CHPT1: variants seen among roughly 807,000 people sequenced by gnomAD.
The protein encoded by CHPT1 is cholinephosphotransferase 1.
In CHPT1, 36 loss-of-function variants were observed where a neutral mutation model predicts 47.6. The observed-to-expected ratio is 0.76, with a 90% CI of 0.58 to 1.00. The LOEUF (loss-of-function observed/expected upper bound fraction) is 1.00. Ranked by LOEUF, CHPT1 falls within the 50% of genes least tolerant of loss-of-function variation. CHPT1 has a pLI of 0.00. For missense variants in CHPT1, 458 were observed against 498.1 expected (o/e 0.92, Z 0.77); for synonymous variants, 194 against 186.3 (o/e 1.04, Z -0.33).
In CHPT1 at chr12:101,714,625, A is replaced by G. The variant is rs775412532; in HGVS notation, c.543A>G (p.Ser181=). The G allele has an allele frequency of 1.2e-6, 2 of 1,603,294 alleles. No individual in the cohort carries two copies. The highest frequency in any genetic ancestry group is 2.3e-5 in the South Asian group (2 of 88,582). ...GCGCTCATTGGCAGACTTATGTTTC[A>G]GGCATGTTGAGATTTGGAAAGTAAG... The part of the protein sequence containing the change: ...FYCAHWQTYV[S]GMLRFGKVDV... The change falls in exon 3 of 9, where the codon TCA becomes TCG. Residue 181 remains serine (S), a synonymous_variant. Coordinates refer to ENST00000229266, the MANE Select transcript of CHPT1 (RefSeq NM_020244.3).
chr12:101,725,926 A>T (rs1448902826), intron 7 of CHPT1, among the ~76,000 whole-genome samples: 1 of 152,174 alleles, frequency 6.6e-6, no homozygotes, highest in African/African-American at 2.4e-5. Context: ...AGAAATGTAT[A>T]TGATGGAATT....
At chr12:101,710,910 A>G (rs1951694942) in intron 1 of CHPT1, among the ~76,000 whole-genome samples, 1 of 148,684 alleles carries the variant, frequency 6.7e-6, no homozygotes, top group Admixed American at 6.8e-5. Flanking sequence ...CATATGTTTG[A>G]CGTGTAACTT....
At chr12:101,710,351 A>C (rs1449078532) in intron 1 of CHPT1, among the ~76,000 whole-genome samples, 1 of 148,964 alleles carries the variant, frequency 6.7e-6, no homozygotes, top group Admixed American at 6.8e-5. Flanking sequence ...TCTCAAGAAC[A>C]AAAAAAGGAA....
At chr12:101,705,840 C>G (rs79798685) in intron 1 of CHPT1, among the ~76,000 whole-genome samples, 2 of 146,410 alleles carry the variant, frequency 1.4e-5, no homozygotes, top group East Asian at 2.1e-4. Context: ...ATCCTCCCCC[C>G]TCAGCCTCCC....
At chr12:101,715,651 A>G (rs1780263267) in intron 3 of CHPT1, among the ~76,000 whole-genome samples, 1 of 152,228 alleles carries the variant, frequency 6.6e-6, no homozygotes, top group African/African-American at 2.4e-5. Flanking sequence ...TCTACAGCTC[A>G]GGAAAAAATG....
intron 7 of CHPT1, 45 bp from the exon 8 acceptor site, chr12:101,726,249 A>AGAT (rs1380849938): frequency 7.6e-7 from 1 of 1,309,696 alleles, no homozygotes; most frequent in East Asian, 2.3e-5. Context: ...ACTTGAGAAA[A>AGAT]GATAGATCAT....
intron 5 of CHPT1, 53 bp downstream of exon 5, chr12:101,720,307 C>T (rs1474795212): frequency 1.4e-6 from 2 of 1,451,108 alleles, no homozygotes; most frequent in East Asian, 2.3e-5. Flanking sequence ...ATTTTCTTAT[C>T]ACCAGTTATA....
rs994764271 is a variant in CHPT1, at chr12:101,710,911, C to T, written c.274-3179C>T. Among the ~76,000 whole-genome samples, 8 of 148,472 alleles carry T rather than the reference C, an allele frequency of 5.4e-5. 1 individual carries two copies. The highest frequency in any genetic ancestry group is 2.2e-4 in the South Asian group (1 of 4,630). ...AATGTCCAATTTTACATATGTTTGA[C>T]GTGTAACTTTGCTTTCCTTCAATCA... On this transcript the variant is annotated intron_variant, in intron 1 of 8. Transcript: ENST00000229266.
At chr12:101,701,364 A>T (rs145126738) in intron 1 of CHPT1, among the ~76,000 whole-genome samples, 2 of 152,214 alleles carry the variant, frequency 1.3e-5, no homozygotes, top group Non-Finnish European at 2.9e-5. Flanking sequence ...ACCACTCTGA[A>T]TTCCCATGAT....
intron 8 of CHPT1, chr12:101,726,874 CAA>C (rs1951956873): frequency 6.5e-6 from 1 of 153,478 alleles, no homozygotes. Flanking sequence ...ATTATTGAAT[CAA>C]GTTATGTTCT....
chr12:101,703,618 G>A (rs553515441), intron 1 of CHPT1, among the ~76,000 whole-genome samples: 57 of 152,312 alleles, frequency 3.7e-4, no homozygotes, highest in Admixed American at 1.6e-3. Context: ...GCTTGGCAGA[G>A]AGTGGTTTTA....
chr12:101,725,907 CAAAG>C (rs1951937275), intron 7 of CHPT1, among the ~76,000 whole-genome samples: 1 of 152,114 alleles, frequency 6.6e-6, no homozygotes, highest in Non-Finnish European at 1.5e-5. Context: ...CAACTAACCT[CAAAG>C]AAACAGAAAT....
At position 101,698,077 on chromosome 12, in the gene CHPT1, C is replaced by T. The variant is rs1277455566; in HGVS notation, c.216C>T (p.Ala72=). 3 of 1,567,980 alleles carry T rather than the reference C, an allele frequency of 1.9e-6. No individual in the cohort carries two copies. The highest frequency in any genetic ancestry group is 2.8e-5 in the African/African-American group (2 of 71,456). Residue 72 remains alanine, a synonymous_variant, in exon 1 of 9, where the codon GCC becomes GCT. Transcript: ENST00000229266. ...APNSITLLGL[A]VNVVTTLVLI... ...ACTCCATCACCCTGCTGGGGCTCGCCGTCAACGTGGTCACCACGCTCGTGC... is the reference window on the plus strand; with the variant it reads ...ACTCCATCACCCTGCTGGGGCTCGCTGTCAACGTGGTCACCACGCTCGTGC...
intron 1 of CHPT1, among the ~76,000 whole-genome samples, chr12:101,698,341 C>T (rs576171356): frequency 1.4e-4 from 22 of 152,322 alleles, no homozygotes; most frequent in Admixed American, 1.2e-3. Context: ...CCCAAGCCTC[C>T]CCTGGGCAGC....
intron 5 of CHPT1, among the ~76,000 whole-genome samples, chr12:101,721,880 G>C (rs1951856768): frequency 6.6e-6 from 1 of 152,086 alleles, no homozygotes; most frequent in Non-Finnish European, 1.5e-5. Context: ...CCAACACAAT[G>C]AAACCCTGTC....
At chr12:101,711,211 G>T (rs11110975) in intron 1 of CHPT1, among the ~76,000 whole-genome samples, 2,398 of 148,338 alleles carry the variant, frequency 0.016, 259 homozygotes, top group Non-Finnish European at 0.025. Flanking sequence ...TGAAATCATC[G>T]CCGTAAAAAG....
chr12:101,714,748 G>A, intron 3 of CHPT1, 103 bp downstream of exon 3: 2 of 1,224,366 alleles, frequency 1.6e-6, no homozygotes, highest in South Asian at 1.8e-5. Flanking sequence ...TCTTCAATCA[G>A]TAACTTAAAT....
intron 8 of CHPT1, chr12:101,727,288 G>A (rs1293696695): frequency 6.6e-6 from 1 of 152,082 alleles, no homozygotes; most frequent in Non-Finnish European, 1.5e-5. Flanking sequence ...GATAAAATAA[G>A]TAAAAGTTAT....
At chr12:101,726,199 G>T in intron 7 of CHPT1, 95 bp from the exon 8 acceptor site, 1 of 806,160 alleles carries the variant, frequency 1.2e-6, no homozygotes, top group East Asian at 2.6e-5. Context: ...AAGAATTTTA[G>T]GTTAAGGTTT....
Sources: gnomAD v4.1 joint callset for allele counts (sites outside exome capture counted in the v4.1 genomes callset) on GRCh38, gnomAD v4.1.1 for gene constraint, MANE v1.5 for transcripts, NCBI Gene and HGNC (gene_info 2026-07-23, HGNC 2026-07-21) for gene names.